The following DOCK3 variants were observed in gnomAD, a reference collection of about 807,000 sequenced individuals.
DOCK3 encodes dedicator of cytokinesis protein 3.
Under a neutral mutation model 265.6 loss-of-function variants are expected in DOCK3, and 60 were observed. That is an observed-to-expected ratio of 0.23 (90% CI 0.18 to 0.28). The LOEUF (loss-of-function observed/expected upper bound fraction) is 0.28. Among genes scored for constraint, DOCK3 ranks in the 10% least tolerant of loss-of-function variants. The pLI, the probability that DOCK3 is intolerant of heterozygous loss-of-function variation, is 1.00. For synonymous variants in DOCK3, 881 were observed against 938.0 expected, an observed-to-expected ratio of 0.94 and a Z score of 1.11; for missense variants, 1,981 against 2,594.3, an observed-to-expected ratio of 0.76 and a Z score of 5.14.
At chr3:50,939,772 AATG>A (rs1411592182) in intron 5 of DOCK3, among the ~76,000 whole-genome samples, 2 of 152,198 alleles carry the variant, frequency 1.3e-5, no homozygotes, top group Non-Finnish European at 2.9e-5. Flanking sequence ...CAAATGTGGT[AATG>A]ATGATAGACA....
At chr3:50,859,514 C>T (rs2046799939) in intron 3 of DOCK3, among the ~76,000 whole-genome samples, 1 of 152,050 alleles carries the variant, frequency 6.6e-6, no homozygotes, top group Admixed American at 6.6e-5. Context: ...CTGCGCCCGG[C>T]CCGGTGTGGT....
At chr3:51,165,128 G>A (rs1224833569) in intron 12 of DOCK3, among the ~76,000 whole-genome samples, 1 of 151,954 alleles carries the variant, frequency 6.6e-6, no homozygotes, top group African/African-American at 2.4e-5. Context: ...TGGTAGAGAT[G>A]GGGTTTCACC....
chr3:51,141,353 A>G (rs1223595278), intron 9 of DOCK3, among the ~76,000 whole-genome samples: 1 of 150,930 alleles, frequency 6.6e-6, no homozygotes, highest in African/African-American at 2.4e-5. Flanking sequence ...GCCCTATTAC[A>G]TAGCAGTTGG....
intron 50 of DOCK3, among the ~76,000 whole-genome samples, chr3:51,375,091 G>A (rs2087995234): frequency 1.3e-5 from 2 of 152,166 alleles, no homozygotes; most frequent in Non-Finnish European, 2.9e-5. Context: ...CTCTGCCTGG[G>A]GACCTTGAAC....
chr3:51,370,954 G>A (rs749011518), intron 49 of DOCK3, among the ~76,000 whole-genome samples: 7 of 152,196 alleles, frequency 4.6e-5, no homozygotes, highest in African/African-American at 1.2e-4. Context: ...TCCTACATAT[G>A]ACCTTTCCAT....
chr3:51,073,032 T>G (rs977094429), intron 6 of DOCK3, among the ~76,000 whole-genome samples: 1 of 152,120 alleles, frequency 6.6e-6, no homozygotes, highest in Non-Finnish European at 1.5e-5. Context: ...TTTGATTATA[T>G]TATTTACTCA....
At chr3:50,846,515 T>G (rs1221373010) in intron 3 of DOCK3, among the ~76,000 whole-genome samples, 2 of 152,118 alleles carry the variant, frequency 1.3e-5, no homozygotes, top group Non-Finnish European at 2.9e-5. Context: ...TGATATTGGT[T>G]TAGTAGAATG....
intron 27 of DOCK3, among the ~76,000 whole-genome samples, chr3:51,308,278 C>T (rs1487113162): frequency 6.8e-6 from 1 of 147,514 alleles, no homozygotes; most frequent in Non-Finnish European, 1.5e-5. Flanking sequence ...GGGGATTTGG[C>T]AGGGTCATAG....
chr3:50,911,818 C>G (rs2049868419), intron 4 of DOCK3, among the ~76,000 whole-genome samples: 1 of 151,814 alleles, frequency 6.6e-6, no homozygotes, highest in African/African-American at 2.4e-5. Context: ...ACTTTCTTTT[C>G]CTTTATTTGT....
Position 51,312,584 on chromosome 3 carries a change from A to G in DOCK3, c.3194+8A>G. On this transcript the variant is annotated splice_region_variant and intron_variant, in intron 30 of 52. Coordinates refer to ENST00000266037, the MANE Select transcript of DOCK3 (RefSeq NM_004947.5). ...GAAGAAGATTCTAGATAAGTAAGAT[A>G]AACGTCTTATATTCATCTCCTTACC... 6.4e-7 allele frequency: 1 copy of G among 1,574,718 alleles called. No individual in the cohort carries two copies. The highest frequency in any genetic ancestry group is 8.6e-7 in the Non-Finnish European group (1 of 1,166,806).
chr3:51,309,754 C>T (rs2082954606), intron 27 of DOCK3, among the ~76,000 whole-genome samples: 1 of 152,228 alleles, frequency 6.6e-6, no homozygotes. Context: ...ATTAGCCACC[C>T]CATTGCTTTC....
chr3:51,254,247 T>A (rs1412054581), intron 22 of DOCK3, among the ~76,000 whole-genome samples: 2 of 152,212 alleles, frequency 1.3e-5, no homozygotes, highest in Non-Finnish European at 2.9e-5. Flanking sequence ...TGTTAAAATT[T>A]CTGTTCTTTT....
intron 5 of DOCK3, among the ~76,000 whole-genome samples, chr3:51,040,277 A>G (rs1329294829): frequency 6.6e-6 from 1 of 151,786 alleles, no homozygotes; most frequent in Non-Finnish European, 1.5e-5. Flanking sequence ...ATATCTTACT[A>G]CCGGCATACA....
At chr3:50,731,510 CTA>C (rs1165980399) in intron 1 of DOCK3, among the ~76,000 whole-genome samples, 1 of 152,124 alleles carries the variant, frequency 6.6e-6, no homozygotes, top group Non-Finnish European at 1.5e-5. Flanking sequence ...TGAGAAATCT[CTA>C]TACCTTTTTC....
At chr3:51,048,229 C>G (rs1246610791) in intron 5 of DOCK3, among the ~76,000 whole-genome samples, 1 of 151,860 alleles carries the variant, frequency 6.6e-6, no homozygotes, top group Non-Finnish European at 1.5e-5. Flanking sequence ...AATGAATGTA[C>G]TTCAGCATAA....
chr3:50,756,577 T>C (rs2040176997), intron 1 of DOCK3, among the ~76,000 whole-genome samples: 2 of 152,182 alleles, frequency 1.3e-5, no homozygotes, highest in Non-Finnish European at 1.5e-5. Context: ...CTTCAGCATA[T>C]ACCTAGGAGT....
chr3:50,765,861 A>T (rs2040840302), intron 1 of DOCK3, among the ~76,000 whole-genome samples: 1 of 152,160 alleles, frequency 6.6e-6, no homozygotes, highest in Admixed American at 6.5e-5. Flanking sequence ...ACCAGAATGT[A>T]TTCCTCCTAT....
intron 5 of DOCK3, among the ~76,000 whole-genome samples, chr3:51,010,219 G>T (rs1480361182): frequency 6.6e-6 from 1 of 152,150 alleles, no homozygotes; most frequent in Non-Finnish European, 1.5e-5. Context: ...ACAGTGGGCT[G>T]TTAAAGTCTC....
At chr3:51,283,026 G>A (rs1033815194) in intron 27 of DOCK3, among the ~76,000 whole-genome samples, 3 of 152,196 alleles carry the variant, frequency 2.0e-5, no homozygotes, top group Admixed American at 6.5e-5. Context: ...TGCAAGTTTA[G>A]CTTAACATGT....
Sources: gnomAD v4.1 joint callset for allele counts (sites outside exome capture counted in the v4.1 genomes callset) on GRCh38, gnomAD v4.1.1 for gene constraint, MANE v1.5 for transcripts, NCBI Gene and HGNC (gene_info 2026-07-23, HGNC 2026-07-21) for gene names.